The following SPATA13 variants were observed in gnomAD, a reference collection of about 807,000 sequenced individuals.
The protein encoded by SPATA13 is spermatogenesis associated 13.
Under a neutral mutation model 104.0 loss-of-function variants are expected in SPATA13, and 50 were observed. The ratio of observed to expected loss-of-function variants is 0.48; its 90% CI spans 0.38 to 0.61. The LOEUF (loss-of-function observed/expected upper bound fraction) is 0.61, where lower values mean the gene tolerates loss of function less well. SPATA13 is among the 20% of genes least tolerant of loss of function. The probability of loss-of-function intolerance (pLI) is 0.00; values close to 1 mark genes in which losing one functional copy is unlikely to be tolerated. For synonymous variants in SPATA13, 606 were observed against 667.5 expected, an observed-to-expected ratio of 0.91 and a Z score of 1.42; for missense variants, 1,524 against 1,690.6, an observed-to-expected ratio of 0.90 and a Z score of 1.73.
At chr13:24,173,054 T>C (rs1286737131) in intron 1 of SPATA13, among the ~76,000 whole-genome samples, 3 of 152,218 alleles carry the variant, frequency 2.0e-5, no homozygotes, top group African/African-American at 7.2e-5. Context: ...TTCATTTTTT[T>C]TGAGTCATTA....
At chr13:24,299,525 C>T (rs544035573) in intron 11 of SPATA13, among the ~76,000 whole-genome samples, 7 of 152,274 alleles carry the variant, frequency 4.6e-5, no homozygotes, top group African/African-American at 9.6e-5. Flanking sequence ...CGGTGGCCAG[C>T]GTACAGAGCC....
rs1875925463 is a variant in SPATA13 at position 24,286,206 on chromosome 13, C to T, written c.2302-8C>T. The T allele has an allele frequency of 3.7e-6, 6 of 1,607,568 alleles. No homozygotes were observed. The highest frequency in any genetic ancestry group is 1.3e-5 in the African/African-American group (1 of 74,780). ...CTATGCTGAGCGCACCCCACTGTCT[C>T]CTTTCAGCTGATCAGTGATGGCAAC... is the stretch of plus-strand genomic sequence containing the variant. On this transcript the variant is annotated splice_polypyrimidine_tract_variant and splice_region_variant and intron_variant, in intron 5 of 12. Transcript: ENST00000382108. This position sits in a 1 kb window ranked among gnomAD's most constrained non-coding sequence, Gnocchi z 4.9.
At position 24,189,244 on chromosome 13, in the gene SPATA13, G is replaced by A. The variant is rs531072078; in HGVS notation, c.-112+28312G>A. Among the ~76,000 whole-genome samples, 342 of 152,006 alleles carry A rather than the reference G, an allele frequency of 2.2e-3. 1 individual carries two copies. Among genetic ancestry groups the A allele is most frequent in the African/African-American group, 7.2e-3 (297 of 41,452 alleles). ...CCCAGCACTTTGGGAGGCCGAGGCC[G>A]GTGGATCACGACGTCAGGAGATGGA... is the stretch of plus-strand genomic sequence containing the variant. On this transcript the variant is annotated intron_variant, in intron 1 of 12. Transcript: ENST00000382108.
At chr13:24,247,391 T>G (rs1165223813) in intron 2 of SPATA13, among the ~76,000 whole-genome samples, 2 of 151,984 alleles carry the variant, frequency 1.3e-5, no homozygotes, top group East Asian at 3.9e-4. Context: ...CGTCACTTCT[T>G]TAGGTCCCAG....
At chr13:24,183,590 A>G (rs1456072553) in intron 1 of SPATA13, among the ~76,000 whole-genome samples, 3 of 138,384 alleles carry the variant, frequency 2.2e-5, no homozygotes, top group African/African-American at 5.4e-5. Flanking sequence ...TCAAAACATT[A>G]TGAGATTTCT....
chr13:24,189,339 C>T (rs149031642), intron 1 of SPATA13, among the ~76,000 whole-genome samples: 218 of 151,198 alleles, frequency 1.4e-3, no homozygotes, highest in Middle Eastern at 6.8e-3. Flanking sequence ...GGCATGGTGG[C>T]GGGTGCCTAT....
intron 3 of SPATA13, among the ~76,000 whole-genome samples, chr13:24,129,001 C>T (rs1416816763): frequency 2.0e-5 from 3 of 152,220 alleles, no homozygotes; most frequent in African/African-American, 7.2e-5. Flanking sequence ...GGGTGACAAA[C>T]TCTACACCGG....
In SPATA13 at chr13:24,249,645, G is replaced by A. The variant is rs1278556356; in HGVS notation, c.1822G>A (p.Val608Ile). The change falls in exon 3 of 13, where the codon GTT (valine) becomes ATT (isoleucine). Residue 608 changes from valine to isoleucine, a missense_variant. Val to Ile is a conservative substitution (Grantham distance 29). Around this residue, in one of 2 missense-constraint regions of SPATA13, gnomAD observed 1,089 missense variants for 1,135.9 expected, o/e 0.96. Coordinates refer to ENST00000382108, the MANE Select transcript of SPATA13 (RefSeq NM_001166271.3). ...CAGTTTGTCTATTCCTGAAGACTCG[G>A]TTGCTGCAGACCCCCAGAAGGAAGA... ...SRSLSIPEDS[V>I]AADPQKEDRV... 1.2e-6 allele frequency: 2 copies of A among 1,614,060 alleles called. No homozygotes were observed. The highest frequency in any genetic ancestry group is 8.5e-7 in the Non-Finnish European group (1 of 1,180,012).
intron 3 of SPATA13, chr13:24,121,963 A>C (rs1881044112): frequency 1.3e-6 from 1 of 783,990 alleles, no homozygotes; most frequent in African/African-American, 1.7e-5. Flanking sequence ...CCATCTATTC[A>C]TCATTAGTTT....
chr13:24,162,113 G>C (rs1882525378), intron 1 of SPATA13, among the ~76,000 whole-genome samples: 1 of 151,964 alleles, frequency 6.6e-6, no homozygotes, highest in African/African-American at 2.4e-5. Flanking sequence ...CCGCACTTTA[G>C]AGTTTCATGT....
At chr13:24,126,010 G>A (rs1255633422) in intron 3 of SPATA13, among the ~76,000 whole-genome samples, 1 of 152,152 alleles carries the variant, frequency 6.6e-6, no homozygotes, top group African/African-American at 2.4e-5. Context: ...TCTTGGGGAG[G>A]TACGAATAGA....
intron 3 of SPATA13, among the ~76,000 whole-genome samples, chr13:24,107,487 G>A (rs1474059628): frequency 6.6e-6 from 1 of 152,196 alleles, no homozygotes; most frequent in Admixed American, 6.5e-5. Flanking sequence ...TTCGACTTCA[G>A]CTGTTTCTCT....
intron 3 of SPATA13, among the ~76,000 whole-genome samples, chr13:24,021,905 G>C (rs1206441649): frequency 6.6e-6 from 1 of 151,814 alleles, no homozygotes; most frequent in Non-Finnish European, 1.5e-5. Flanking sequence ...TAGAGATGGG[G>C]TTTCACCGTA....
At chr13:24,265,239 C>A (rs1258112287) in intron 4 of SPATA13, among the ~76,000 whole-genome samples, 1 of 152,206 alleles carries the variant, frequency 6.6e-6, no homozygotes, top group African/African-American at 2.4e-5. Context: ...CCTGCCTTTG[C>A]CCAACAGGAG....
intron 1 of SPATA13, among the ~76,000 whole-genome samples, chr13:24,212,273 T>G: frequency 7.4e-6 from 1 of 135,358 alleles, no homozygotes; most frequent in African/African-American, 2.8e-5. Context: ...CCAACCTGGG[T>G]GACAGAGTGA....
intron 3 of SPATA13, among the ~76,000 whole-genome samples, chr13:24,151,129 AT>A (rs1882088949): frequency 6.6e-6 from 1 of 152,226 alleles, no homozygotes; most frequent in South Asian, 2.1e-4. Flanking sequence ...CTTGCCCCAA[AT>A]CACACAGTTC....
chr13:24,214,013 G>C (rs910443963), intron 1 of SPATA13, among the ~76,000 whole-genome samples: 1 of 152,170 alleles, frequency 6.6e-6, no homozygotes, highest in Non-Finnish European at 1.5e-5. Context: ...TATATGTTTG[G>C]TTTCAGAGGC....
At chr13:24,159,969 C>A (rs1371939174), upstream of SPATA13, among the ~76,000 whole-genome samples, 1 of 152,192 alleles carries the variant, frequency 6.6e-6, no homozygotes, top group African/African-American at 2.4e-5. Context: ...GGGTTTGCTT[C>A]TCTTCTGTGG....
intron 2 of SPATA13, among the ~76,000 whole-genome samples, chr13:24,245,659 A>T (rs1450751813): frequency 7.3e-6 from 1 of 137,732 alleles, no homozygotes; most frequent in Non-Finnish European, 1.5e-5. Context: ...TAGTGCAATC[A>T]TGGCTCACTG....
Sources: gnomAD v4.1 joint callset for allele counts (sites outside exome capture counted in the v4.1 genomes callset) on GRCh38, gnomAD v4.1.1 for gene constraint, gnomAD v4.1.1 regional missense constraint, Gnocchi (gnomAD v3.1) non-coding constraint, MANE v1.5 for transcripts, NCBI Gene and HGNC (gene_info 2026-07-23, HGNC 2026-07-21) for gene names.